Variants in RASGRF2 observed in about 807,000 individuals in gnomAD.
The protein encoded by RASGRF2 is Ras protein specific guanine nucleotide releasing factor 2.
RASGRF2 carries 76 observed loss-of-function variants against 151.0 expected under a neutral mutation model. That is an observed-to-expected ratio of 0.50 (90% CI 0.42 to 0.61). The LOEUF is 0.61. RASGRF2 is among the 20% of genes least tolerant of loss of function. The probability of loss-of-function intolerance (pLI) is 0.00; values close to 1 mark genes in which losing one functional copy is unlikely to be tolerated. For synonymous variants in RASGRF2, 504 were observed against 566.5 expected (o/e 0.89, Z 1.57); for missense variants, 1,148 against 1,564.6 (o/e 0.73, Z 4.49).
At chr5:81,032,141 A>G (rs559059716) in intron 1 of RASGRF2, among the ~76,000 whole-genome samples, 6 of 152,190 alleles carry the variant, frequency 3.9e-5, no homozygotes, top group Admixed American at 1.3e-4. Context: ...AGGCTCTGAA[A>G]TTGAGGCAAT....
chr5:81,219,642 C>T (rs1755816006), intron 25 of RASGRF2, 68 bp from the exon 26 acceptor site: 1 of 1,330,610 alleles, frequency 7.5e-7, no homozygotes, highest in Non-Finnish European at 1.1e-6. Flanking sequence ...GAAGAATGTG[C>T]TGCAATGCAG....
chr5:81,017,641 T>C (rs760473347), intron 1 of RASGRF2, among the ~76,000 whole-genome samples: 17 of 152,230 alleles, frequency 1.1e-4, no homozygotes, highest in Non-Finnish European at 1.8e-4. Flanking sequence ...TATGAAAAGA[T>C]AGACTCTATA....
At chr5:81,088,578 A>G in intron 9 of RASGRF2, 1 of 152,148 alleles carries the variant, frequency 6.6e-6, no homozygotes. Flanking sequence ...TATGACTGTA[A>G]AGTGTTTTAT....
chr5:81,102,073 G>A (rs1002927712), intron 12 of RASGRF2, among the ~76,000 whole-genome samples: 2 of 152,128 alleles, frequency 1.3e-5, no homozygotes, highest in Non-Finnish European at 2.9e-5. Context: ...TAATGCGTAG[G>A]TATATTTATA....
chr5:81,078,578 T>C (rs1466128203), intron 5 of RASGRF2, among the ~76,000 whole-genome samples: 1 of 152,244 alleles, frequency 6.6e-6, no homozygotes. Flanking sequence ...AAAGAAGTTT[T>C]ATATCATTAC....
chr5:80,965,892 A>T (rs1353652682), intron 1 of RASGRF2, among the ~76,000 whole-genome samples: 1 of 152,200 alleles, frequency 6.6e-6, no homozygotes, highest in African/African-American at 2.4e-5. Context: ...TTAAATATGC[A>T]TGCCACAGTC....
At chr5:81,097,415 A>C (rs1382437998) in intron 12 of RASGRF2, among the ~76,000 whole-genome samples, 1 of 152,230 alleles carries the variant, frequency 6.6e-6, no homozygotes, top group Non-Finnish European at 1.5e-5. Flanking sequence ...TCATGAAGAA[A>C]AGAGACAACA....
At chr5:81,148,170 C>T (rs906497553) in intron 17 of RASGRF2, among the ~76,000 whole-genome samples, 1 of 152,174 alleles carries the variant, frequency 6.6e-6, no homozygotes, top group African/African-American at 2.4e-5. Flanking sequence ...GTTGAAGGAA[C>T]AGGCTCAGTG....
At chr5:81,159,633 G>A (rs80315019) in intron 17 of RASGRF2, among the ~76,000 whole-genome samples, 3,278 of 152,280 alleles carry the variant, frequency 0.022, 117 homozygotes, top group African/African-American at 0.074. Flanking sequence ...TCTATAATTG[G>A]ATTGTGGTTA....
At chr5:81,142,245 C>T (rs912495752) in intron 17 of RASGRF2, among the ~76,000 whole-genome samples, 4 of 152,008 alleles carry the variant, frequency 2.6e-5, no homozygotes, top group African/African-American at 4.8e-5. Flanking sequence ...ATTCCTGTCC[C>T]GGTGGGGATT....
chr5:81,032,344 A>G (rs182587857), intron 1 of RASGRF2, among the ~76,000 whole-genome samples: 3,668 of 152,288 alleles, frequency 0.024, 144 homozygotes, highest in African/African-American at 0.079. Context: ...ACACAACAAA[A>G]AAAGAGAATT....
intron 1 of RASGRF2, among the ~76,000 whole-genome samples, chr5:80,977,917 A>G (rs936015692): frequency 2.6e-5 from 4 of 152,190 alleles, no homozygotes; most frequent in African/African-American, 9.7e-5. Flanking sequence ...GTTTGTAAGC[A>G]TGTTTATGAG....
chr5:81,181,047 G>A (rs1255146097), intron 18 of RASGRF2, among the ~76,000 whole-genome samples: 1 of 152,098 alleles, frequency 6.6e-6, no homozygotes, highest in Non-Finnish European at 1.5e-5. Context: ...GAGAGAATGG[G>A]CCCTGCCTGG....
chr5:81,064,481 C>T (rs1751536084), intron 2 of RASGRF2, among the ~76,000 whole-genome samples: 1 of 152,260 alleles, frequency 6.6e-6, no homozygotes, highest in South Asian at 2.1e-4. Context: ...GCCCTTTTAC[C>T]TAAGGGGTTG....
Position 81,092,831 on chromosome 5 carries a change from G to A in RASGRF2, c.1421G>A (p.Arg474Lys), listed in dbSNP as rs1752429109. The A allele has an allele frequency of 2.5e-6, 4 of 1,613,548 alleles. No individual in the cohort carries two copies. The highest frequency in any genetic ancestry group is 2.7e-5 in the African/African-American group (2 of 75,032). The change falls in exon 10 of 27, where the codon AGG becomes AAG. Residue 474 changes from arginine to lysine, a missense_variant. By Grantham distance (26) the Arg-to-Lys change is conservative. Transcript: ENST00000265080. ...GSLIQVPSVE[R>K]GKLSKVRLGS... ...CTTATTCAAGTACCTTCCGTTGAGA[G>A]GGGGAAACTTAGTAAAGTTCGCCTG...
At chr5:80,970,543 G>GTT (rs5869063) in intron 1 of RASGRF2, among the ~76,000 whole-genome samples, 1 of 151,842 alleles carries the variant, frequency 6.6e-6, no homozygotes, top group South Asian at 2.1e-4. Context: ...TTCCTCATAG[G>GTT]TTTTTTTCCC....
At chr5:81,130,817 T>C (rs1753597913) in intron 17 of RASGRF2, among the ~76,000 whole-genome samples, 1 of 152,136 alleles carries the variant, frequency 6.6e-6, no homozygotes, top group South Asian at 2.1e-4. Context: ...GTCTGCAGGC[T>C]TCCTGTCTGC....
At chr5:81,112,918 C>T (rs1262896080) in intron 14 of RASGRF2, 60 bp downstream of exon 14, 1 of 1,600,908 alleles carries the variant, frequency 6.2e-7, no homozygotes, top group Non-Finnish European at 8.5e-7. Context: ...GTTCCGGAGT[C>T]ACCATGAGGA....
chr5:81,127,221 C>T (rs937654130), intron 17 of RASGRF2, 58 bp downstream of exon 17: 25 of 1,518,828 alleles, frequency 1.6e-5, no homozygotes, highest in African/African-American at 1.1e-4. Flanking sequence ...GTCAGTGGCC[C>T]GTGTCTGCCA....
Sources: allele counts gnomAD v4.1 joint callset (sites outside exome capture counted in the v4.1 genomes callset), GRCh38; gene constraint gnomAD v4.1.1; transcripts MANE v1.5; gene names NCBI Gene and HGNC (gene_info 2026-07-23, HGNC 2026-07-21).